The following RNF157 variants were observed in gnomAD, a reference collection of about 807,000 sequenced individuals.
RNF157 encodes the protein E3 ubiquitin ligase RNF157.
Under a neutral mutation model 88.3 loss-of-function variants are expected in RNF157, and 55 were observed. The ratio of observed to expected loss-of-function variants is 0.62; its 90% confidence interval spans 0.50 to 0.78. RNF157 has a LOEUF of 0.78. RNF157 is among the 30% of genes least tolerant of loss of function. The pLI is 0.00. For missense variants in RNF157, 788 were observed against 860.8 expected, an observed-to-expected ratio of 0.92 and a Z score of 1.06; for synonymous variants, 334 against 341.2, an observed-to-expected ratio of 0.98 and a Z score of 0.23.
chr17:76,167,855 C>T, intron 3 of RNF157, 58 bp from the exon 4 acceptor site: 1 of 1,534,256 alleles, frequency 6.5e-7, no homozygotes, highest in Non-Finnish European at 8.9e-7. Context: ...TAAAATTTAC[C>T]TTTAAAAAAA....
At chr17:76,221,350 T>C (rs939365250) in intron 1 of RNF157, among the ~76,000 whole-genome samples, 1 of 151,934 alleles carries the variant, frequency 6.6e-6, no homozygotes, top group African/African-American at 2.4e-5. Flanking sequence ...TTAAAAAAAA[T>C]GAACTTGATC....
chr17:76,166,095 C>T (rs2068919879), intron 6 of RNF157, among the ~76,000 whole-genome samples: 1 of 152,180 alleles, frequency 6.6e-6, no homozygotes, highest in Non-Finnish European at 1.5e-5. Flanking sequence ...CTGCCTCAGC[C>T]TCCCAAGTAG....
chr17:76,224,362 T>C lies in RNF157; in HGVS notation c.89-11880A>G, dbSNP rs928983009. On this transcript the variant is annotated intron_variant, in intron 1 of 18. Coordinates refer to ENST00000269391, the MANE Select transcript of RNF157 (RefSeq NM_052916.3). ...CAAACCACTATGAATTATAACAACA[T>C]ATAATAAAGGACAATTAAACCCATT... Among the ~76,000 whole-genome samples, 55 of 149,194 alleles carry C rather than the reference T, an allele frequency of 3.7e-4. 1 individual carries two copies. Among genetic ancestry groups the C allele is most frequent in the South Asian group, 8.5e-4 (4 of 4,682 alleles).
chr17:76,221,997 T>C (rs921213048), intron 1 of RNF157, among the ~76,000 whole-genome samples: 2 of 152,204 alleles, frequency 1.3e-5, no homozygotes, highest in African/African-American at 2.4e-5. Context: ...AGACTGGTGA[T>C]TGCCAGGGGA....
chr17:76,226,890 G>C (rs548179644), intron 1 of RNF157: 1 of 1,168,378 alleles, frequency 8.6e-7, no homozygotes, highest in African/African-American at 1.5e-5. Flanking sequence ...GCTGAATGCC[G>C]TGGGAAGCGC....
chr17:76,240,308 G>T lies in RNF157; in HGVS notation c.-68C>A. 1 of 775,332 alleles carries T rather than the reference G, an allele frequency of 1.3e-6. No homozygotes were observed. The highest frequency in any genetic ancestry group is 1.6e-6 in the Non-Finnish European group (1 of 640,608). The allele number at this position is 775,332 out of a possible 1,614,324, so 48.0% of individuals were successfully genotyped here. ...CCGCCCTCCGCGCTTCACCGCGGCC[G>T]CCCGCCCCGCGCCCGGTGCGGGGGC... On this transcript the variant is annotated 5_prime_UTR_variant, in exon 1 of 19. Transcript: ENST00000269391. The surrounding 1 kb of genome is among the most constrained non-coding windows in gnomAD (Gnocchi z 4.4).
At chr17:76,184,978 C>T (rs777328572) in intron 2 of RNF157, among the ~76,000 whole-genome samples, 3 of 152,244 alleles carry the variant, frequency 2.0e-5, no homozygotes, top group Non-Finnish European at 2.9e-5. Flanking sequence ...GCAATTCTCT[C>T]TGTTCACCTT....
intron 6 of RNF157, among the ~76,000 whole-genome samples, chr17:76,165,976 C>A (rs2144852011): frequency 6.6e-6 from 1 of 151,922 alleles, no homozygotes; most frequent in East Asian, 1.9e-4. Context: ...CTACGCCCAG[C>A]TAAACCACAT....
chr17:76,210,389 G>C (rs765928051), intron 2 of RNF157, among the ~76,000 whole-genome samples: 6 of 151,274 alleles, frequency 4.0e-5, no homozygotes, highest in Admixed American at 3.3e-4. Flanking sequence ...GTCAGATCGA[G>C]ACCATCCTGG....
At position 76,161,658 on chromosome 17, in the gene RNF157, G is replaced by A; in HGVS notation, c.953-11C>T. The A allele has an allele frequency of 6.2e-7, 1 of 1,609,078 alleles. No individual in the cohort carries two copies. On this transcript the variant is annotated splice_polypyrimidine_tract_variant and intron_variant, in intron 10 of 18. Coordinates refer to ENST00000269391, the MANE Select transcript of RNF157 (RefSeq NM_052916.3). This position sits in a 1 kb window ranked among gnomAD's most constrained non-coding sequence, Gnocchi z 4.6. Reference sequence around the variant, plus strand: ...GCAGTGCCCGGAAGGCTGTGAAGGAGAAAACAGGCAATCAGGACATCCTGA... The same window carrying A: ...GCAGTGCCCGGAAGGCTGTGAAGGAAAAAACAGGCAATCAGGACATCCTGA...
rs1258994129 is a variant in RNF157 at position 76,160,199 on chromosome 17, A to T, written c.1066-626T>A. Among the ~76,000 whole-genome samples the T allele has an allele frequency of 6.6e-6, 1 of 152,210 alleles. No individual in the cohort carries two copies. Among genetic ancestry groups the T allele is most frequent in the Non-Finnish European group, 1.5e-5 (1 of 68,046 alleles). On this transcript the variant is annotated intron_variant, in intron 11 of 18. Transcript: ENST00000269391. The surrounding 1 kb of genome is among the most constrained non-coding windows in gnomAD (Gnocchi z 4.3). ...CATAGATCCCCTAAGTTTTCTAACTATTCTCCTAGTGCTGGGAATCTAGTT... is the reference window on the plus strand; with the variant it reads ...CATAGATCCCCTAAGTTTTCTAACTTTTCTCCTAGTGCTGGGAATCTAGTT...
At chr17:76,158,246 A>G (rs2144825582) in intron 13 of RNF157, 147 bp downstream of exon 13, 1 of 663,254 alleles carries the variant, frequency 1.5e-6, no homozygotes, top group Non-Finnish European at 2.8e-6. Context: ...GAATGCATGA[A>G]TCCAGTGAAA....
intron 13 of RNF157, among the ~76,000 whole-genome samples, chr17:76,158,085 A>G (rs1436319466): frequency 6.6e-6 from 1 of 151,976 alleles, no homozygotes; most frequent in African/African-American, 2.4e-5. Flanking sequence ...TCAGGCACAC[A>G]TGTATTTTTT....
intron 2 of RNF157, among the ~76,000 whole-genome samples, chr17:76,203,770 T>C (rs749827401): frequency 4.0e-5 from 4 of 100,890 alleles, no homozygotes; most frequent in Admixed American, 8.7e-5. Flanking sequence ...GTTTTGTTGC[T>C]TTTTTTTTTT....
chr17:76,202,111 T>TTCTC (rs374396479), intron 2 of RNF157, among the ~76,000 whole-genome samples: 2,131 of 133,756 alleles, frequency 0.016, 72 homozygotes, highest in African/African-American at 0.06. Context: ...CAATCTCAGT[T>TTCTC]TCTCTCTCTC....
intron 2 of RNF157, among the ~76,000 whole-genome samples, chr17:76,177,892 C>T (rs1441609526): frequency 2.0e-5 from 3 of 152,152 alleles, no homozygotes; most frequent in Non-Finnish European, 4.4e-5. Flanking sequence ...ACAGGATGAC[C>T]TTCCTGCGGA....
chr17:76,165,515 C>T lies in RNF157; in HGVS notation c.659G>A (p.Gly220Asp). 1 of 1,614,120 alleles carries T rather than the reference C, an allele frequency of 6.2e-7. No individual in the cohort carries two copies. Among genetic ancestry groups the T allele is most frequent in the Admixed American group, 1.7e-5 (1 of 60,022 alleles). ...AAAGTCACTCACCTTCTCAAAAGTA[C>T]CCAGCAGTACATGGCAATGGCCAAA... ...EYFGHCHVLL[G>D]TFEKHTDGTF... Residue 220 changes from glycine (G) to aspartate (D), a missense_variant, in exon 7 of 19, where the codon GGT (glycine) becomes GAT (aspartate). Physicochemically the swap from Gly to Asp is moderately conservative, Grantham distance 94. Transcript: ENST00000269391.
intron 4 of RNF157, 26 bp downstream of exon 4, chr17:76,167,625 T>C: frequency 6.2e-7 from 1 of 1,613,588 alleles, no homozygotes; most frequent in Admixed American, 1.7e-5. Context: ...GGGAAGGAAG[T>C]GGCTCTCCTG....
chr17:76,180,390 T>C (rs2069170760), intron 2 of RNF157, among the ~76,000 whole-genome samples: 1 of 152,182 alleles, frequency 6.6e-6, no homozygotes. Context: ...AATCTATTCA[T>C]CTAACCAGAA....
Sources: gnomAD v4.1 joint callset for allele counts (sites outside exome capture counted in the v4.1 genomes callset) on GRCh38, gnomAD v4.1.1 for gene constraint, Gnocchi (gnomAD v3.1) non-coding constraint, MANE v1.5 for transcripts, NCBI Gene and HGNC (gene_info 2026-07-23, HGNC 2026-07-21) for gene names.